CNNM2: variants seen among roughly 807,000 people sequenced by gnomAD.
CNNM2 encodes cyclin and CBS domain divalent metal cation transport mediator 2.
In CNNM2, 12 loss-of-function variants were observed where a neutral mutation model predicts 66.9. That is an observed-to-expected ratio of 0.18 (90% CI 0.11 to 0.29). The LOEUF (loss-of-function observed/expected upper bound fraction) is 0.29, where lower values mean the gene tolerates loss of function less well. CNNM2 is among the 10% of genes least tolerant of loss of function. The pLI is 1.00. For missense variants in CNNM2, 705 were observed against 1,167.7 expected (o/e 0.60, Z 5.77); for synonymous variants, 557 against 501.8 (o/e 1.11, Z -1.47).
chr10:103,077,300 G>C lies in CNNM2; in HGVS notation c.*120G>C. On this transcript the variant is annotated 3_prime_UTR_variant, in exon 8 of 8. Transcript: ENST00000369878. ...CATGCTGTACCCTGCAACATCCTGAGACCAAAGACCTTGTGCCCTTCCCAG... is the reference window on the plus strand; with the variant it reads ...CATGCTGTACCCTGCAACATCCTGACACCAAAGACCTTGTGCCCTTCCCAG... The C allele has an allele frequency of 1.2e-6, 1 of 855,350 alleles. No individual in the cohort carries two copies. 53.0% of individuals were successfully genotyped at this position (855,350 alleles called of 1,614,324 possible).
At chr10:102,928,999 C>T (rs1845973108) in intron 1 of CNNM2, among the ~76,000 whole-genome samples, 2 of 152,028 alleles carry the variant, frequency 1.3e-5, no homozygotes, top group Non-Finnish European at 2.9e-5. Flanking sequence ...GTGGCTCATG[C>T]CTGTAATCCC....
At chr10:103,058,369 ACT>A (rs1383920778) in intron 4 of CNNM2, among the ~76,000 whole-genome samples, 3 of 152,056 alleles carry the variant, frequency 2.0e-5, no homozygotes, top group African/African-American at 7.2e-5. Context: ...GCCTGGAGAA[ACT>A]CTGGATACAT....
At chr10:102,952,729 A>C (rs1846887526) in intron 1 of CNNM2, among the ~76,000 whole-genome samples, 1 of 151,876 alleles carries the variant, frequency 6.6e-6, no homozygotes, top group African/African-American at 2.4e-5. Context: ...GAGGAACCCG[A>C]GTGTTGGGGG....
chr10:103,017,002 A>G (rs1438452012), intron 1 of CNNM2, among the ~76,000 whole-genome samples: 2 of 151,690 alleles, frequency 1.3e-5, no homozygotes, highest in African/African-American at 2.4e-5. Flanking sequence ...AACCAGGTTA[A>G]AAAAGGGTGA....
At chr10:103,068,919 C>A (rs1250477119) in intron 5 of CNNM2, among the ~76,000 whole-genome samples, 197 bp downstream of exon 5, 2 of 152,130 alleles carry the variant, frequency 1.3e-5, no homozygotes, top group African/African-American at 4.8e-5. Context: ...ACAAACTGAA[C>A]ACGTGTAAAG....
At chr10:102,964,132 G>A (rs2063425044) in intron 1 of CNNM2, among the ~76,000 whole-genome samples, 2 of 152,154 alleles carry the variant, frequency 1.3e-5, no homozygotes, top group Non-Finnish European at 2.9e-5. Context: ...CTCAGAGTCT[G>A]CAGTCTACCA....
chr10:103,005,751 C>T (rs1440822657), intron 1 of CNNM2, among the ~76,000 whole-genome samples: 2 of 152,094 alleles, frequency 1.3e-5, no homozygotes, highest in African/African-American at 4.8e-5. Flanking sequence ...TTTTTTGAGA[C>T]AGGGTCTCAT....
chr10:102,918,397 C>G lies in CNNM2; in HGVS notation c.-84C>G, dbSNP rs1845490224. On this transcript the variant is annotated 5_prime_UTR_variant, in exon 1 of 8. Transcript: ENST00000369878. This position sits in a 1 kb window ranked among gnomAD's most constrained non-coding sequence, Gnocchi z 4.1. ...CTGCTGAGCACTGGCCGCGGACGCTCCGTTGCAGTCTCGCCCAGGGGCCGG... is the reference window on the plus strand; with the variant it reads ...CTGCTGAGCACTGGCCGCGGACGCTGCGTTGCAGTCTCGCCCAGGGGCCGG... The G allele has an allele frequency of 6.5e-7, 1 of 1,537,176 alleles. No individual in the cohort carries two copies. The highest frequency in any genetic ancestry group is 1.4e-5 in the African/African-American group (1 of 71,918).
chr10:103,075,228 A>T (rs1321620465), intron 6 of CNNM2, among the ~76,000 whole-genome samples: 1 of 152,196 alleles, frequency 6.6e-6, no homozygotes, highest in Non-Finnish European at 1.5e-5. Context: ...GTCCCCTCCA[A>T]TCCTGTGATA....
intron 1 of CNNM2, among the ~76,000 whole-genome samples, chr10:102,924,052 C>T (rs1213795895): frequency 6.6e-6 from 1 of 152,176 alleles, no homozygotes; most frequent in Non-Finnish European, 1.5e-5. Context: ...GAACCTTTCT[C>T]TTTTTTTGTG....
At chr10:102,948,565 A>G (rs1846705469) in intron 1 of CNNM2, among the ~76,000 whole-genome samples, 1 of 152,194 alleles carries the variant, frequency 6.6e-6, no homozygotes, top group Non-Finnish European at 1.5e-5. Flanking sequence ...AGAAGCAAGC[A>G]GGGACTCCAG....
Position 103,057,626 on chromosome 10 carries a change from T to C in CNNM2, c.2073+662T>C, listed in dbSNP as rs79205575. Among the ~76,000 whole-genome samples, 2,393 of 152,270 alleles carry C rather than the reference T, an allele frequency of 0.016. 46 individuals are homozygous for C. The highest frequency in any genetic ancestry group is 0.085 in the South Asian group (408 of 4,826). Reference sequence around the variant, plus strand: ...AAATTTAAGTGTCATGGGTTATTGGTCCTTTTTCCATCCTTTTTTCCATCC... The same window carrying C: ...AAATTTAAGTGTCATGGGTTATTGGCCCTTTTTCCATCCTTTTTTCCATCC... On this transcript the variant is annotated intron_variant, in intron 4 of 7. Coordinates refer to ENST00000369878, the MANE Select transcript of CNNM2 (RefSeq NM_017649.5).
chr10:102,995,966 C>T (rs1020330828), intron 1 of CNNM2, among the ~76,000 whole-genome samples: 2 of 152,200 alleles, frequency 1.3e-5, no homozygotes, highest in Non-Finnish European at 2.9e-5. Flanking sequence ...TCCCAAAGTG[C>T]TGGGATCACA....
intron 1 of CNNM2, among the ~76,000 whole-genome samples, chr10:102,986,365 C>T (rs887777213): frequency 3.3e-5 from 5 of 151,834 alleles, no homozygotes; most frequent in African/African-American, 4.8e-5. Context: ...GTGATTCTCC[C>T]GAGTATGGGT....
At chr10:103,063,922 A>G (rs2065432786) in intron 4 of CNNM2, among the ~76,000 whole-genome samples, 1 of 152,232 alleles carries the variant, frequency 6.6e-6, no homozygotes, top group Admixed American at 6.5e-5. Flanking sequence ...CTGTGCCCTA[A>G]TTTTTGTATA....
At chr10:102,998,408 C>G (rs887478264) in intron 1 of CNNM2, among the ~76,000 whole-genome samples, 3 of 152,124 alleles carry the variant, frequency 2.0e-5, no homozygotes, top group Non-Finnish European at 4.4e-5. Flanking sequence ...AAATGCAGCT[C>G]AAATGTATTC....
chr10:102,985,500 A>G (rs1023929380), intron 1 of CNNM2, among the ~76,000 whole-genome samples: 1 of 152,154 alleles, frequency 6.6e-6, no homozygotes, highest in African/African-American at 2.4e-5. Flanking sequence ...CCTTTCTTCC[A>G]AGGGAATGGC....
intron 1 of CNNM2, among the ~76,000 whole-genome samples, chr10:102,957,029 C>T (rs566151154): frequency 6.6e-6 from 1 of 152,186 alleles, no homozygotes; most frequent in Non-Finnish European, 1.5e-5. Context: ...TGGCTGGGCA[C>T]GGTGGCTCAT....
rs2066240682 is a variant in CNNM2, at chr10:103,089,870, A to G, written c.*12690A>G. 3 of 1,613,638 alleles carry G rather than the reference A, an allele frequency of 1.9e-6. No individual in the cohort carries two copies. Among genetic ancestry groups the G allele is most frequent in the Non-Finnish European group, 2.5e-6 (3 of 1,179,752 alleles). ...CAAGAGGAGACTCCATCTCATTGATATCTACGTGTGTGTGCTCCACCGTTG... is the reference window on the plus strand; with the variant it reads ...CAAGAGGAGACTCCATCTCATTGATGTCTACGTGTGTGTGCTCCACCGTTG... On this transcript the variant is annotated 3_prime_UTR_variant, in exon 8 of 8. Transcript: ENST00000369878.
Sources: gnomAD v4.1 joint callset for allele counts (sites outside exome capture counted in the v4.1 genomes callset) on GRCh38, gnomAD v4.1.1 for gene constraint, Gnocchi (gnomAD v3.1) non-coding constraint, MANE v1.5 for transcripts, NCBI Gene and HGNC (gene_info 2026-07-23, HGNC 2026-07-21) for gene names.